NDST3: variants seen among roughly 807,000 people sequenced by gnomAD.
The protein encoded by NDST3 is N-deacetylase and N-sulfotransferase 3.
NDST3 carries 58 observed loss-of-function variants against 96.1 expected under a neutral mutation model. That is an observed-to-expected ratio of 0.60 (90% CI 0.49 to 0.75). NDST3 has a LOEUF of 0.75. Ranked by LOEUF, NDST3 falls within the 30% of genes least tolerant of loss-of-function variation. The pLI, the probability that NDST3 is intolerant of heterozygous loss-of-function variation, is 0.00. For synonymous variants in NDST3, 333 were observed against 359.7 expected, an observed-to-expected ratio of 0.93 and a Z score of 0.84; for missense variants, 788 against 1,034.2, an observed-to-expected ratio of 0.76 and a Z score of 3.27.
chr4:118,133,995 GTGCTGTGTACTA>G (rs1350586700), intron 4 of NDST3, among the ~76,000 whole-genome samples: 1 of 152,176 alleles, frequency 6.6e-6, no homozygotes, highest in African/African-American at 2.4e-5. Context: ...CTTACAAACT[GTGCTGTGTACTA>G]TGAAAAACCA....
At chr4:118,196,622 A>G (rs919442025) in intron 6 of NDST3, among the ~76,000 whole-genome samples, 5 of 151,884 alleles carry the variant, frequency 3.3e-5, no homozygotes, top group African/African-American at 1.2e-4. Context: ...AGATTTTCCA[A>G]TTTTTTGGCA....
chr4:118,255,526 G>A (rs185585678), intron 13 of NDST3, 67 bp from the exon 14 acceptor site: 46 of 1,449,520 alleles, frequency 3.2e-5, no homozygotes, highest in African/African-American at 5.7e-5. Flanking sequence ...TTATTTCAAC[G>A]TAGTCAAAGT....
intron 6 of NDST3, among the ~76,000 whole-genome samples, chr4:118,207,732 G>A (rs1185279067): frequency 6.9e-6 from 1 of 144,724 alleles, no homozygotes; most frequent in African/African-American, 2.5e-5. Flanking sequence ...CTAGACATTA[G>A]TGTTTAATGA....
At chr4:118,206,822 C>A (rs1298207370) in intron 6 of NDST3, among the ~76,000 whole-genome samples, 1 of 143,904 alleles carries the variant, frequency 6.9e-6, no homozygotes, top group Admixed American at 6.9e-5. Flanking sequence ...GCAATCTCTA[C>A]CAACATTACA....
rs146508971 is a variant in NDST3, at chr4:118,210,701, G to A, written c.1540-13790G>A. Among the ~76,000 whole-genome samples, 826 of 151,334 alleles carry A rather than the reference G, an allele frequency of 5.5e-3. 15 individuals carry two copies. The highest frequency in any genetic ancestry group is 0.019 in the African/African-American group (774 of 41,184). Reference sequence around the variant, plus strand: ...TGAGGTAGGAGAATCACTTGAACCCGGGAGGCAGAGGTTGCAGTGAGCCTA... The same window carrying A: ...TGAGGTAGGAGAATCACTTGAACCCAGGAGGCAGAGGTTGCAGTGAGCCTA... On this transcript the variant is annotated intron_variant, in intron 6 of 13. Transcript: ENST00000296499.
chr4:118,147,479 T>C (rs1345235137), intron 6 of NDST3, among the ~76,000 whole-genome samples: 2 of 152,214 alleles, frequency 1.3e-5, no homozygotes, highest in Admixed American at 6.5e-5. Flanking sequence ...TCAAAAATTG[T>C]GATATTCTAT....
chr4:118,227,470 T>A lies in NDST3; in HGVS notation c.1819+488T>A, dbSNP rs932680345. On this transcript the variant is annotated intron_variant, in intron 8 of 13. Coordinates refer to ENST00000296499, the MANE Select transcript of NDST3 (RefSeq NM_004784.3). ...ATTTTTTAAAAGTCTAAAAGATATT[T>A]CACAAGCAGAATTCCTAGACATACA... is the stretch of plus-strand genomic sequence containing the variant. Among the ~76,000 whole-genome samples, 60 of 152,218 alleles carry A rather than the reference T, an allele frequency of 3.9e-4. 1 individual carries two copies. Among genetic ancestry groups the A allele is most frequent in the South Asian group, 8.3e-4 (4 of 4,830 alleles).
chr4:118,194,547 T>A, intron 6 of NDST3: 1 of 727,656 alleles, frequency 1.4e-6, no homozygotes, highest in African/African-American at 1.7e-5. Flanking sequence ...TGATCCAGAC[T>A]GGGGTCAAAG....
intron 6 of NDST3, among the ~76,000 whole-genome samples, chr4:118,189,741 C>T (rs754578703): frequency 5.3e-5 from 8 of 152,080 alleles, no homozygotes; most frequent in Non-Finnish European, 1.0e-4. Flanking sequence ...TTATAGTTTA[C>T]TCAAAGGCGA....
chr4:118,102,486 A>G (rs1729842351), intron 2 of NDST3, among the ~76,000 whole-genome samples: 1 of 152,152 alleles, frequency 6.6e-6, no homozygotes, highest in African/African-American at 2.4e-5. Context: ...AGATATGATC[A>G]CACCATTTTA....
rs192137972 is a variant in NDST3 at position 118,133,771 on chromosome 4, T to C, written c.1225-4283T>C. Among the ~76,000 whole-genome samples, 157 of 152,280 alleles carry C rather than the reference T, an allele frequency of 1.0e-3. 1 individual carries two copies. The highest frequency in any genetic ancestry group is 1.5e-3 in the Non-Finnish European group (104 of 68,018). ...TTATTCTTCAGACGAACAGGCAGTG[T>C]AATGAAGATAATTGAGAAAGTGAAA... On this transcript the variant is annotated intron_variant, in intron 4 of 13. Transcript: ENST00000296499.
chr4:118,246,372 G>T (rs551950832), intron 12 of NDST3, among the ~76,000 whole-genome samples: 2 of 152,244 alleles, frequency 1.3e-5, no homozygotes, highest in East Asian at 3.9e-4. Context: ...TTGCAAGGCC[G>T]TGGCAGATGG....
At chr4:118,056,813 T>C (rs1300276679) in intron 2 of NDST3, among the ~76,000 whole-genome samples, 1 of 151,874 alleles carries the variant, frequency 6.6e-6, no homozygotes, top group Non-Finnish European at 1.5e-5. Flanking sequence ...AGGGATACAA[T>C]GATAAAGTGG....
intron 1 of NDST3, among the ~76,000 whole-genome samples, chr4:118,046,231 T>C (rs1329217415): frequency 2.0e-5 from 3 of 152,180 alleles, no homozygotes; most frequent in Non-Finnish European, 4.4e-5. Flanking sequence ...CATGTGCCTA[T>C]GGGATCCTGG....
At position 118,054,563 on chromosome 4, in the gene NDST3, C is replaced by G. The variant is rs1267203747; in HGVS notation, c.653C>G (p.Thr218Ser). Reference sequence around the variant, plus strand: ...CTTGAAAAAGGTTCTTTACCTGGAACTGACTGGACAGTTTTTCAGATTAAT... The same window carrying G: ...CTTGAAAAAGGTTCTTTACCTGGAAGTGACTGGACAGTTTTTCAGATTAAT... Reference protein sequence around the residue: ...SKLEKGSLPGTDWTVFQINHS... With the variant: ...SKLEKGSLPGSDWTVFQINHS... The change falls in exon 2 of 14, where the codon ACT becomes AGT. Residue 218 changes from threonine (T) to serine (S), a missense_variant. Coordinates refer to ENST00000296499, the MANE Select transcript of NDST3 (RefSeq NM_004784.3). 6.2e-7 allele frequency: 1 copy of G among 1,613,328 alleles called. No individual in the cohort carries two copies.
intron 12 of NDST3, among the ~76,000 whole-genome samples, chr4:118,247,412 C>T (rs527853460): frequency 8.5e-5 from 13 of 152,054 alleles, no homozygotes; most frequent in Non-Finnish European, 1.9e-4. Flanking sequence ...ATTAGCTGGG[C>T]GTGGTGGCGC....
intron 2 of NDST3, among the ~76,000 whole-genome samples, chr4:118,059,054 A>G (rs1172025980): frequency 1.3e-5 from 2 of 152,090 alleles, no homozygotes; most frequent in Admixed American, 1.3e-4. Context: ...AAGAGGTTAC[A>G]TATCACTCCC....
At chr4:118,122,331 G>C (rs554612779) in intron 4 of NDST3, among the ~76,000 whole-genome samples, 50 of 152,240 alleles carry the variant, frequency 3.3e-4, no homozygotes, top group Non-Finnish European at 5.9e-4. Flanking sequence ...GATGGAGGGG[G>C]CACTTGCATT....
chr4:118,131,915 T>C (rs1732653444), intron 4 of NDST3, among the ~76,000 whole-genome samples: 1 of 152,070 alleles, frequency 6.6e-6, no homozygotes, highest in African/African-American at 2.4e-5. Flanking sequence ...AAACAGAGTC[T>C]CTTTCTCTGT....
Sources: gnomAD v4.1 joint callset for allele counts (sites outside exome capture counted in the v4.1 genomes callset) on GRCh38, gnomAD v4.1.1 for gene constraint, MANE v1.5 for transcripts, NCBI Gene and HGNC (gene_info 2026-07-23, HGNC 2026-07-21) for gene names.